LRP1B: variants seen among roughly 807,000 people sequenced by gnomAD.
LRP1B encodes LDL receptor related protein 1B.
Under a neutral mutation model 556.6 loss-of-function variants are expected in LRP1B, and 217 were observed. The ratio of observed to expected loss-of-function variants is 0.39; its 90% CI spans 0.35 to 0.44. The LOEUF (loss-of-function observed/expected upper bound fraction) is 0.44, where lower values mean the gene tolerates loss of function less well. Ranked by LOEUF, LRP1B falls within the 20% of genes least tolerant of loss-of-function variation. The pLI, the probability that LRP1B is intolerant of heterozygous loss-of-function variation, is 1.00. For missense variants in LRP1B, 5,053 were observed against 5,620.8 expected (o/e 0.90, Z 3.23); for synonymous variants, 2,047 against 1,865.8 (o/e 1.10, Z -2.50).
At chr2:141,163,461 A>G (rs894738195) in intron 7 of LRP1B, among the ~76,000 whole-genome samples, 2 of 152,058 alleles carry the variant, frequency 1.3e-5, no homozygotes, top group Non-Finnish European at 2.9e-5. Flanking sequence ...TGGATTGCAT[A>G]AGGAAGATGC....
intron 1 of LRP1B, among the ~76,000 whole-genome samples, chr2:141,816,763 C>T (rs1696567637): frequency 6.6e-6 from 1 of 151,956 alleles, no homozygotes. Context: ...TAGAGATATA[C>T]ACAAATCCAT....
intron 2 of LRP1B, among the ~76,000 whole-genome samples, chr2:141,574,212 C>G (rs57665898): frequency 6.6e-6 from 1 of 152,030 alleles, no homozygotes; most frequent in Non-Finnish European, 1.5e-5. Flanking sequence ...CACTGCAAAC[C>G]GAATCCAGGA....
chr2:141,488,874 C>T (rs1200933344), intron 2 of LRP1B, among the ~76,000 whole-genome samples: 1 of 152,006 alleles, frequency 6.6e-6, no homozygotes, highest in African/African-American at 2.4e-5. Context: ...TATTTAAAAA[C>T]AAATGTTTAG....
At chr2:141,719,919 G>A (rs78816215) in intron 2 of LRP1B, among the ~76,000 whole-genome samples, 2,606 of 152,094 alleles carry the variant, frequency 0.017, 28 homozygotes, top group South Asian at 0.023. Flanking sequence ...TAGGTGATGG[G>A]ATCAATCATA....
At chr2:141,571,187 T>C (rs1195771556) in intron 2 of LRP1B, among the ~76,000 whole-genome samples, 2 of 150,676 alleles carry the variant, frequency 1.3e-5, no homozygotes, top group Non-Finnish European at 3.0e-5. Flanking sequence ...AGATCAGAGG[T>C]CCCAGAAGAA....
intron 6 of LRP1B, among the ~76,000 whole-genome samples, chr2:141,221,911 G>A (rs1338668113): frequency 1.3e-5 from 2 of 152,148 alleles, no homozygotes; most frequent in Admixed American, 1.3e-4. Context: ...CAGAATCTCT[G>A]GGATGCAGCT....
chr2:140,446,972 G>GA (rs142478580), intron 63 of LRP1B, among the ~76,000 whole-genome samples: 38 of 150,878 alleles, frequency 2.5e-4, no homozygotes, highest in Admixed American at 7.3e-4. Context: ...TCAATAGTAA[G>GA]AAAAAAAAAC....
At chr2:141,216,494 G>A (rs1052551252) in intron 6 of LRP1B, among the ~76,000 whole-genome samples, 1 of 152,152 alleles carries the variant, frequency 6.6e-6, no homozygotes, top group Non-Finnish European at 1.5e-5. Flanking sequence ...TCCCAGTGGG[G>A]CATTACCTAG....
intron 68 of LRP1B, among the ~76,000 whole-genome samples, chr2:140,374,637 G>A (rs1484593794): frequency 6.6e-6 from 1 of 152,048 alleles, no homozygotes; most frequent in Admixed American, 6.6e-5. Flanking sequence ...TAAACATTCA[G>A]TACAAACTGC....
intron 15 of LRP1B, among the ~76,000 whole-genome samples, chr2:140,995,607 T>C (rs1027677539): frequency 6.6e-6 from 1 of 152,010 alleles, no homozygotes; most frequent in Admixed American, 6.6e-5. Flanking sequence ...TACCTCCATC[T>C]TATAAATAAG....
chr2:142,024,745 T>C (rs1703451082), intron 1 of LRP1B, among the ~76,000 whole-genome samples: 1 of 151,968 alleles, frequency 6.6e-6, no homozygotes, highest in Admixed American at 6.6e-5. Context: ...CTTTTACAGC[T>C]GCTCTATAAT....
At chr2:141,057,794 C>T (rs1048047881) in intron 9 of LRP1B, among the ~76,000 whole-genome samples, 1 of 151,806 alleles carries the variant, frequency 6.6e-6, no homozygotes, top group Non-Finnish European at 1.5e-5. Context: ...GTGTGAAAAC[C>T]GATTAATACA....
chr2:140,344,194 G>C (rs952032665), intron 77 of LRP1B, among the ~76,000 whole-genome samples: 1 of 151,760 alleles, frequency 6.6e-6, no homozygotes, highest in African/African-American at 2.4e-5. Context: ...GGGAACTGTG[G>C]ACTTTGAGGA....
chr2:141,891,820 C>T (rs190299135), intron 1 of LRP1B, among the ~76,000 whole-genome samples: 231 of 152,144 alleles, frequency 1.5e-3, no homozygotes, highest in African/African-American at 3.8e-3. Context: ...GTGGATCAAA[C>T]GGAAAACTTT....
intron 43 of LRP1B, among the ~76,000 whole-genome samples, chr2:140,566,594 T>C (rs1681135144): frequency 6.6e-6 from 1 of 152,096 alleles, no homozygotes; most frequent in Admixed American, 6.5e-5. Context: ...GCTGAAGCTG[T>C]GCACTGCCTC....
At chr2:141,273,381 C>A (rs533504398) in intron 3 of LRP1B, among the ~76,000 whole-genome samples, 1 of 152,040 alleles carries the variant, frequency 6.6e-6, no homozygotes, top group South Asian at 2.1e-4. Flanking sequence ...CATAAAGATG[C>A]ACACATAGAT....
At chr2:141,261,973 T>G (rs2105352788) in intron 3 of LRP1B, among the ~76,000 whole-genome samples, 1 of 152,282 alleles carries the variant, frequency 6.6e-6, no homozygotes, top group South Asian at 2.1e-4. Flanking sequence ...TTTTTCAAAA[T>G]GGCTGCATTC....
At chr2:141,319,299 G>GTTTTTTTT (rs201761576) in intron 3 of LRP1B, among the ~76,000 whole-genome samples, 1,811 of 80,366 alleles carry the variant, frequency 0.023, 58 homozygotes, top group African/African-American at 0.088. Flanking sequence ...AAAAAGCAGT[G>GTTTTTTTT]TTTTTTTGTT....
chr2:140,293,787 A>C (rs1302356593), intron 84 of LRP1B, among the ~76,000 whole-genome samples: 2 of 152,154 alleles, frequency 1.3e-5, no homozygotes, highest in Non-Finnish European at 2.9e-5. Context: ...CAGCATCACC[A>C]TACAGCAAGA....
Sources: gnomAD v4.1 joint callset for allele counts (sites outside exome capture counted in the v4.1 genomes callset) on GRCh38, gnomAD v4.1.1 for gene constraint, MANE v1.5 for transcripts, NCBI Gene and HGNC (gene_info 2026-07-23, HGNC 2026-07-21) for gene names.